The following TTC1 variants were observed in gnomAD, a reference collection of about 807,000 sequenced individuals.
The protein encoded by TTC1 is tetratricopeptide repeat domain 1.
A neutral mutation model predicts 37.6 loss-of-function variants in TTC1; 31 were observed. The ratio of observed to expected loss-of-function variants is 0.82; its 90% CI spans 0.62 to 1.11. The LOEUF (loss-of-function observed/expected upper bound fraction) is 1.11, where lower values mean the gene tolerates loss of function less well. Among genes scored for constraint, TTC1 ranks in the 50% most tolerant of loss-of-function variants. TTC1 has a pLI of 0.00. For synonymous variants in TTC1, 127 were observed against 122.4 expected, an observed-to-expected ratio of 1.04 and a Z score of -0.25; for missense variants, 351 against 339.0, an observed-to-expected ratio of 1.04 and a Z score of -0.28.
intron 2 of TTC1, among the ~76,000 whole-genome samples, chr5:160,029,933 A>C (rs1756879515): frequency 6.6e-6 from 1 of 152,184 alleles, no homozygotes; most frequent in South Asian, 2.1e-4. Context: ...ACCAGAGAGG[A>C]GGGCCTTGAC....
intron 5 of TTC1, among the ~76,000 whole-genome samples, chr5:160,047,752 G>A (rs1757289513): frequency 6.6e-6 from 1 of 152,046 alleles, no homozygotes; most frequent in Admixed American, 6.6e-5. Context: ...ATTCTTGTTG[G>A]TCCCTCTTCC....
intron 4 of TTC1, among the ~76,000 whole-genome samples, chr5:160,042,173 G>A (rs541952776): frequency 2.0e-5 from 3 of 152,198 alleles, no homozygotes; most frequent in Admixed American, 1.3e-4. Flanking sequence ...CTAGTGATCC[G>A]CCCACCTTGG....
chr5:160,047,933 G>A (rs4431379), intron 5 of TTC1, among the ~76,000 whole-genome samples: 105,096 of 151,876 alleles, frequency 0.69, 36,540 homozygotes, highest in African/African-American at 0.77. Context: ...ATACCTGTCT[G>A]TTCTTGCCTA....
At chr5:160,063,869 T>C (rs1400130709) in intron 7 of TTC1, among the ~76,000 whole-genome samples, 1 of 151,866 alleles carries the variant, frequency 6.6e-6, no homozygotes, top group Non-Finnish European at 1.5e-5. Context: ...CTTGAACTCC[T>C]GGGCTCAAAC....
intron 5 of TTC1, among the ~76,000 whole-genome samples, chr5:160,048,776 C>T (rs1757324997): frequency 6.6e-6 from 1 of 152,058 alleles, no homozygotes; most frequent in Admixed American, 6.5e-5. Context: ...CATAATGAAA[C>T]CCCATCTCTA....
intron 2 of TTC1, among the ~76,000 whole-genome samples, chr5:160,022,830 G>A (rs1394763802): frequency 6.6e-6 from 1 of 152,042 alleles, no homozygotes; most frequent in Non-Finnish European, 1.5e-5. Context: ...ATTCAGAAAG[G>A]ACACTTGTAA....
chr5:160,015,911 T>C (rs1020127943), intron 2 of TTC1, among the ~76,000 whole-genome samples: 1 of 152,160 alleles, frequency 6.6e-6, no homozygotes, highest in Admixed American at 6.5e-5. Context: ...CAGAACTGAA[T>C]TGAATTATAG....
At chr5:160,060,974 C>T (rs538749121) in intron 7 of TTC1, among the ~76,000 whole-genome samples, 20 of 152,366 alleles carry the variant, frequency 1.3e-4, no homozygotes, top group African/African-American at 4.8e-4. Flanking sequence ...GAACCACCCC[C>T]AGGGTCTCCC....
At chr5:160,016,243 C>T (rs982486597) in intron 2 of TTC1, among the ~76,000 whole-genome samples, 1 of 152,036 alleles carries the variant, frequency 6.6e-6, no homozygotes, top group African/African-American at 2.4e-5. Context: ...CCAGGTATGG[C>T]GGTGCACACC....
intron 2 of TTC1, among the ~76,000 whole-genome samples, chr5:160,022,750 GTCT>G (rs1561626978): frequency 1.3e-5 from 2 of 152,044 alleles, no homozygotes. Context: ...ACAGTAATTT[GTCT>G]TCTTTATAGA....
chr5:160,017,061 G>C (rs1274452588), intron 2 of TTC1, among the ~76,000 whole-genome samples: 1 of 152,162 alleles, frequency 6.6e-6, no homozygotes, highest in African/African-American at 2.4e-5. Context: ...CTTAAATGTA[G>C]ATATAACTAC....
Position 160,052,548 on chromosome 5 carries a change from CAAAAAAAAAAAA to C in TTC1, c.745+1380_745+1391del, listed in dbSNP as rs557157232. 9.3e-4 allele frequency among the ~76,000 whole-genome samples: 63 copies of C among 68,096 alleles called. 1 individual carries two copies. Among genetic ancestry groups the C allele is most frequent in the East Asian group, 7.0e-3 (15 of 2,138 alleles). The allele number at this position is 68,096 out of a possible 152,430, so 44.7% of individuals were successfully genotyped here. ...TACTAACAATGATGCTCTATTTTAG[CAAAAAAAAAAAA>C]AAAAAAAAAAAAAACTGTTTGCATT... is the stretch of plus-strand genomic sequence containing the variant. On this transcript the variant is annotated intron_variant, in intron 7 of 7. Coordinates refer to ENST00000231238, the MANE Select transcript of TTC1 (RefSeq NM_003314.3).
At position 160,012,934 on chromosome 5, in the gene TTC1, A is replaced by T. The variant is rs142383533; in HGVS notation, c.330+2076A>T. ...TCCCAACCCTGCCAGTCTCTGGTTA[A>T]CCACTCTTCTGATTCCTGTCCCATA... is the stretch of plus-strand genomic sequence containing the variant. On this transcript the variant is annotated intron_variant, in intron 2 of 7. Coordinates refer to ENST00000231238, the MANE Select transcript of TTC1 (RefSeq NM_003314.3). Among the ~76,000 whole-genome samples the T allele has an allele frequency of 7.9e-4, 121 of 152,296 alleles. 2 individuals are homozygous for T. The highest frequency in any genetic ancestry group is 2.9e-3 in the African/African-American group (119 of 41,566).
intron 2 of TTC1, among the ~76,000 whole-genome samples, chr5:160,022,768 C>T (rs960960481): frequency 6.6e-6 from 1 of 152,112 alleles, no homozygotes; most frequent in Non-Finnish European, 1.5e-5. Context: ...TATAGAATAT[C>T]TTCTTTATGT....
Position 160,049,649 on chromosome 5 carries a change from G to C in TTC1, c.677G>C (p.Arg226Thr). The C allele has an allele frequency of 6.3e-7, 1 of 1,580,380 alleles. No homozygotes were observed. The highest frequency in any genetic ancestry group is 8.5e-7 in the Non-Finnish European group (1 of 1,170,370). Reference protein sequence around the residue: ...LEKDPSIHQAREACMRLPKQI... With the variant: ...LEKDPSIHQATEACMRLPKQI... ...AAAGATCCATCAATACATCAAGCAAGAGAAGCTTGTATGGTAAAACCTAAA... is the reference window on the plus strand; with the variant it reads ...AAAGATCCATCAATACATCAAGCAACAGAAGCTTGTATGGTAAAACCTAAA... The change falls in exon 6 of 8, where the codon AGA (arginine) becomes ACA (threonine). Residue 226 changes from arginine (R) to threonine (T), a missense_variant. Coordinates refer to ENST00000231238, the MANE Select transcript of TTC1 (RefSeq NM_003314.3).
At chr5:160,059,799 A>C (rs1757651515) in intron 7 of TTC1, among the ~76,000 whole-genome samples, 1 of 152,240 alleles carries the variant, frequency 6.6e-6, no homozygotes, top group African/African-American at 2.4e-5. Context: ...GATCACCATA[A>C]CAGGTATAAG....
Position 160,010,664 on chromosome 5 carries a change from C to T in TTC1, c.136C>T (p.Leu46Phe). The change falls in exon 2 of 8, where the codon CTC becomes TTC. Residue 46 changes from leucine to phenylalanine, a missense_variant. Leu to Phe is a conservative substitution (Grantham distance 22, BLOSUM62 0). Transcript: ENST00000231238. ...PKNQHSQSKL[L>F]RDDEAHLQED... The stretch of plus-strand genomic sequence containing the variant: ...AAATCAGCATTCCCAGAGTAAGCTG[C>T]TCAGGGATGATGAGGCCCATCTCCA... 1 of 1,613,828 alleles carries T rather than the reference C, an allele frequency of 6.2e-7. No homozygotes were observed. The highest frequency in any genetic ancestry group is 8.5e-7 in the Non-Finnish European group (1 of 1,179,888).
At chr5:160,009,599 T>G (rs546291284) in intron 1 of TTC1, among the ~76,000 whole-genome samples, 6 of 152,092 alleles carry the variant, frequency 3.9e-5, no homozygotes, top group South Asian at 2.1e-4. Flanking sequence ...GATGAAAACA[T>G]AAATAAATAA....
intron 2 of TTC1, among the ~76,000 whole-genome samples, chr5:160,030,023 C>T (rs1226097633): frequency 6.6e-6 from 1 of 152,126 alleles, no homozygotes; most frequent in Admixed American, 6.5e-5. Flanking sequence ...AGTAACACTC[C>T]AAATTTTTTG....
Sources: gnomAD v4.1 joint callset for allele counts (sites outside exome capture counted in the v4.1 genomes callset) on GRCh38, gnomAD v4.1.1 for gene constraint, MANE v1.5 for transcripts, NCBI Gene and HGNC (gene_info 2026-07-23, HGNC 2026-07-21) for gene names.